The following TMEM132D variants were observed in gnomAD, a reference collection of about 807,000 sequenced individuals.
The protein encoded by TMEM132D is mature OL transmembrane protein.
TMEM132D carries 21 observed loss-of-function variants against 62.3 expected under a neutral mutation model. That is an observed-to-expected ratio of 0.34 (90% CI 0.24 to 0.49). The LOEUF (loss-of-function observed/expected upper bound fraction) is 0.49. Among genes scored for constraint, TMEM132D ranks in the 20% least tolerant of loss-of-function variants. The pLI, the probability that TMEM132D is intolerant of heterozygous loss-of-function variation, is 0.99. For missense variants in TMEM132D, 1,346 were observed against 1,402.8 expected, an observed-to-expected ratio of 0.96 and a Z score of 0.65; for synonymous variants, 621 against 575.6, an observed-to-expected ratio of 1.08 and a Z score of -1.13.
intron 5 of TMEM132D, among the ~76,000 whole-genome samples, chr12:129,175,419 G>A (rs557977385): frequency 6.6e-6 from 1 of 152,284 alleles, no homozygotes; most frequent in Admixed American, 6.5e-5. Context: ...CTTACAGTAT[G>A]TATCTCAGTT....
chr12:129,512,737 T>C (rs1484009), intron 3 of TMEM132D, among the ~76,000 whole-genome samples: 17,725 of 152,204 alleles, frequency 0.12, 1,710 homozygotes, highest in African/African-American at 0.26. Context: ...CCTCAGTCCA[T>C]CCCCATATGG....
At chr12:129,508,299 T>C (rs1875399969) in intron 3 of TMEM132D, among the ~76,000 whole-genome samples, 1 of 152,178 alleles carries the variant, frequency 6.6e-6, no homozygotes, top group Admixed American at 6.5e-5. Flanking sequence ...AAATATCTTA[T>C]TAAAAAAGAA....
intron 5 of TMEM132D, among the ~76,000 whole-genome samples, chr12:129,176,544 G>C (rs536591540): frequency 6.6e-6 from 1 of 152,342 alleles, no homozygotes; most frequent in Non-Finnish European, 1.5e-5. Flanking sequence ...TTCCTTCTCT[G>C]ATCTAGGGAG....
chr12:129,267,839 T>A (rs1311644343), intron 4 of TMEM132D, among the ~76,000 whole-genome samples: 1 of 152,066 alleles, frequency 6.6e-6, no homozygotes, highest in Non-Finnish European at 1.5e-5. Flanking sequence ...AACAGAGATA[T>A]AGATCAATGG....
chr12:129,411,834 T>C (rs908553021), intron 3 of TMEM132D, among the ~76,000 whole-genome samples: 1 of 152,210 alleles, frequency 6.6e-6, no homozygotes, highest in Non-Finnish European at 1.5e-5. Context: ...GATCACTTCT[T>C]CCCTAATGTT....
intron 4 of TMEM132D, among the ~76,000 whole-genome samples, chr12:129,248,966 C>A (rs1211663580): frequency 6.6e-6 from 1 of 152,058 alleles, no homozygotes; most frequent in Admixed American, 6.5e-5. Context: ...ATTATAAAGA[C>A]CCATGTAGGC....
chr12:129,220,749 T>C (rs529493154), intron 4 of TMEM132D, among the ~76,000 whole-genome samples: 1 of 152,146 alleles, frequency 6.6e-6, no homozygotes, highest in African/African-American at 2.4e-5. Context: ...TTTGAGGACA[T>C]TAAATGTCAA....
chr12:129,764,053 A>G (rs977566926), intron 1 of TMEM132D, among the ~76,000 whole-genome samples: 1 of 152,082 alleles, frequency 6.6e-6, no homozygotes, highest in Non-Finnish European at 1.5e-5. Flanking sequence ...AGCTTTGAGT[A>G]TTGCCTCATA....
chr12:129,710,452 C>G (rs1347245772), intron 1 of TMEM132D, among the ~76,000 whole-genome samples: 2 of 152,036 alleles, frequency 1.3e-5, no homozygotes, highest in Non-Finnish European at 2.9e-5. Flanking sequence ...CCTGCCACCA[C>G]ACCTGGCTAA....
intron 4 of TMEM132D, among the ~76,000 whole-genome samples, chr12:129,312,778 C>T (rs1882012339): frequency 6.6e-6 from 1 of 152,126 alleles, no homozygotes; most frequent in African/African-American, 2.4e-5. Context: ...AATTCTTGCC[C>T]CCTCCATCCC....
intron 2 of TMEM132D, among the ~76,000 whole-genome samples, chr12:129,625,343 A>G (rs1879185523): frequency 6.6e-6 from 1 of 152,188 alleles, no homozygotes; most frequent in Non-Finnish European, 1.5e-5. Flanking sequence ...AATTTTCTCA[A>G]ATAAAGTGAC....
chr12:129,654,301 T>A (rs1880015294), intron 2 of TMEM132D, among the ~76,000 whole-genome samples: 1 of 149,656 alleles, frequency 6.7e-6, no homozygotes, highest in South Asian at 2.1e-4. Context: ...TGTGTGAGTG[T>A]GTGTGTGTGT....
intron 4 of TMEM132D, among the ~76,000 whole-genome samples, chr12:129,243,130 G>A (rs530031031): frequency 2.2e-4 from 34 of 152,144 alleles, no homozygotes; most frequent in Admixed American, 1.0e-3. Flanking sequence ...GTACACACAC[G>A]TGTGCACACA....
chr12:129,397,755 T>C (rs1238272678), intron 3 of TMEM132D, among the ~76,000 whole-genome samples: 1 of 152,202 alleles, frequency 6.6e-6, no homozygotes, highest in Non-Finnish European at 1.5e-5. Context: ...TTTCCTAGAA[T>C]AGAACTGAAA....
chr12:129,436,206 AC>A (rs1872783106), intron 3 of TMEM132D, among the ~76,000 whole-genome samples: 2 of 152,156 alleles, frequency 1.3e-5, no homozygotes, highest in Admixed American at 1.3e-4. Flanking sequence ...TTTAATGAAG[AC>A]CATAAAACAG....
At chr12:129,746,348 T>C (rs960402959) in intron 1 of TMEM132D, among the ~76,000 whole-genome samples, 4 of 152,144 alleles carry the variant, frequency 2.6e-5, no homozygotes, top group African/African-American at 9.7e-5. Flanking sequence ...AGATGACTCT[T>C]CCTGCTGTGA....
chr12:129,222,467 T>C (rs1208177923), intron 4 of TMEM132D, among the ~76,000 whole-genome samples: 1 of 152,202 alleles, frequency 6.6e-6, no homozygotes, highest in Non-Finnish European at 1.5e-5. Context: ...ATCTAAATAA[T>C]ATGCTATATT....
chr12:129,725,233 TAA>T (rs958671858), intron 1 of TMEM132D, among the ~76,000 whole-genome samples: 1 of 152,190 alleles, frequency 6.6e-6, no homozygotes, highest in Admixed American at 6.5e-5. Context: ...TCATTGCAGT[TAA>T]AAAGTCAATT....
At chr12:129,728,886 T>C (rs989637968) in intron 1 of TMEM132D, among the ~76,000 whole-genome samples, 4 of 152,186 alleles carry the variant, frequency 2.6e-5, no homozygotes, top group Non-Finnish European at 5.9e-5. Context: ...AATGTCCTCA[T>C]TGCCCACAGC....
Sources: gnomAD v4.1 joint callset for allele counts (sites outside exome capture counted in the v4.1 genomes callset) on GRCh38, gnomAD v4.1.1 for gene constraint, MANE v1.5 for transcripts, NCBI Gene and HGNC (gene_info 2026-07-23, HGNC 2026-07-21) for gene names.